Variants in KCNK3 observed in about 807,000 individuals in gnomAD.
The protein encoded by KCNK3 is potassium channel subfamily K member 3.
In KCNK3, 9 loss-of-function variants were observed where a neutral mutation model predicts 27.3. The observed-to-expected ratio is 0.33, with a 90% CI of 0.20 to 0.57. The LOEUF (loss-of-function observed/expected upper bound fraction) is 0.57. KCNK3 is among the 20% of genes least tolerant of loss of function. The pLI is 0.87. For missense variants in KCNK3, 391 were observed against 577.7 expected (o/e 0.68, Z 3.31); for synonymous variants, 278 against 273.8 (o/e 1.02, Z -0.15).
At chr2:26,725,242 C>A (rs1663395320) in intron 1 of KCNK3, among the ~76,000 whole-genome samples, 1 of 152,194 alleles carries the variant, frequency 6.6e-6, no homozygotes, top group African/African-American at 2.4e-5. Flanking sequence ...GATCCCACGA[C>A]CACTGCTTCC....
intron 1 of KCNK3, among the ~76,000 whole-genome samples, chr2:26,710,436 T>C (rs1281152320): frequency 6.6e-6 from 1 of 151,532 alleles, no homozygotes; most frequent in Non-Finnish European, 1.5e-5. Flanking sequence ...AAATAGGGAG[T>C]GGTAGCCAGC....
chr2:26,698,016 G>T (rs1369973144), intron 1 of KCNK3, among the ~76,000 whole-genome samples: 1 of 152,186 alleles, frequency 6.6e-6, no homozygotes, highest in Admixed American at 6.5e-5. Context: ...TGAGCGGCTT[G>T]TCCACACTCA....
chr2:26,719,873 T>C (rs1663295935), intron 1 of KCNK3, among the ~76,000 whole-genome samples: 1 of 152,198 alleles, frequency 6.6e-6, no homozygotes, highest in Non-Finnish European at 1.5e-5. Flanking sequence ...AAAGATGACA[T>C]GAGGGCCCTG....
Position 26,728,235 on chromosome 2 carries a change from C to A in KCNK3, c.852C>A (p.Thr284=). ...GTGGCAGCGCGCACACTACGGACAC[C>A]GCCTCATCCACGGCGGCAGCGGGCG... is the stretch of plus-strand genomic sequence containing the variant. ...GGGGSAHTTD[T]ASSTAAAGGG... is the part of the protein sequence containing the mutation. Residue 284 remains threonine, a synonymous_variant, in exon 2 of 2, where the codon ACC becomes ACA. Coordinates refer to ENST00000302909, the MANE Select transcript of KCNK3 (RefSeq NM_002246.3). 6.4e-7 allele frequency: 1 copy of A among 1,572,618 alleles called. No homozygotes were observed. Among genetic ancestry groups the A allele is most frequent in the Non-Finnish European group, 8.6e-7 (1 of 1,159,242 alleles).
At chr2:26,694,490 G>A (rs1179898060) in intron 1 of KCNK3, among the ~76,000 whole-genome samples, 1 of 152,152 alleles carries the variant, frequency 6.6e-6, no homozygotes, top group Non-Finnish European at 1.5e-5. Flanking sequence ...ATCCACTGCA[G>A]GACACTGTTC....
rs181340215 is a variant in KCNK3, at chr2:26,731,211, C to T, written c.*2643C>T. 1 of 152,426 alleles carries T rather than the reference C, an allele frequency of 6.6e-6. No homozygotes were observed. The highest frequency in any genetic ancestry group is 1.5e-5 in the Non-Finnish European group (1 of 68,110). The allele number at this position is 152,426 out of a possible 1,614,324, so 9.4% of individuals were successfully genotyped here. ...CACGGAGACCAGGCTCAGGCTCCAG[C>T]TGCCTCTGTCATCGTATGCCCTTGC... On this transcript the variant is annotated 3_prime_UTR_variant, in exon 2 of 2. Coordinates refer to ENST00000302909, the MANE Select transcript of KCNK3 (RefSeq NM_002246.3).
chr2:26,699,662 G>A (rs911774348), intron 1 of KCNK3, among the ~76,000 whole-genome samples: 7 of 152,194 alleles, frequency 4.6e-5, no homozygotes, highest in Non-Finnish European at 8.8e-5. Flanking sequence ...TCTAGGCCAA[G>A]CTCAGTGGAG....
chr2:26,724,589 C>T, intron 1 of KCNK3: 1 of 985,338 alleles, frequency 1.0e-6, no homozygotes, highest in Non-Finnish European at 1.2e-6. Context: ...TAAGCCTCAG[C>T]CTGCGGTAGG....
At chr2:26,727,355 A>G (rs1663438764) in intron 1 of KCNK3, among the ~76,000 whole-genome samples, 2 of 152,194 alleles carry the variant, frequency 1.3e-5, no homozygotes, top group African/African-American at 4.8e-5. Flanking sequence ...CTAGGCATAC[A>G]AAACAGTCCC....
At chr2:26,710,949 G>A (rs575050560) in intron 1 of KCNK3, among the ~76,000 whole-genome samples, 1 of 152,358 alleles carries the variant, frequency 6.6e-6, no homozygotes, top group South Asian at 2.1e-4. Flanking sequence ...CTGGCACGTG[G>A]CTGGCCGGCT....
chr2:26,718,067 C>T (rs1663263469), intron 1 of KCNK3, among the ~76,000 whole-genome samples: 1 of 151,914 alleles, frequency 6.6e-6, no homozygotes, highest in Non-Finnish European at 1.5e-5. Flanking sequence ...CCTCTCCTTT[C>T]TCGGCCCCTC....
At chr2:26,714,351 C>T (rs750640973) in intron 1 of KCNK3, among the ~76,000 whole-genome samples, 2 of 83,766 alleles carry the variant, frequency 2.4e-5, no homozygotes, top group South Asian at 4.5e-4. Flanking sequence ...TTCCAGGCTT[C>T]GGTGTCCCCG....
intron 1 of KCNK3, among the ~76,000 whole-genome samples, chr2:26,714,796 G>A (rs1404421598): frequency 4.1e-5 from 5 of 122,706 alleles, no homozygotes; most frequent in African/African-American, 1.0e-4. Flanking sequence ...TGAGGCAGGA[G>A]AATCACTTGA....
In KCNK3 at chr2:26,721,598, C is replaced by G. The variant is rs1319510971; in HGVS notation, c.284-6069C>G. Among the ~76,000 whole-genome samples, 1 of 152,178 alleles carries G rather than the reference C, an allele frequency of 6.6e-6. No homozygotes were observed. Among genetic ancestry groups the G allele is most frequent in the East Asian group, 1.9e-4 (1 of 5,184 alleles). On this transcript the variant is annotated intron_variant, in intron 1 of 1. Transcript: ENST00000302909. This position sits in a 1 kb window ranked among gnomAD's most constrained non-coding sequence, Gnocchi z 4.3. ...CCTCGTGGGCCCTCCCCTGGGTGCC[C>G]TCTGAGCCCAGCTGCCCTCTGCCAT...
chr2:26,724,874 G>T (rs1308948778), intron 1 of KCNK3, among the ~76,000 whole-genome samples: 6 of 152,170 alleles, frequency 3.9e-5, no homozygotes, highest in Non-Finnish European at 8.8e-5. Context: ...CCACGAGGCA[G>T]TGTGGGAAGC....
Position 26,693,419 on chromosome 2 carries a change from C to A in KCNK3, c.283+261C>A, listed in dbSNP as rs1429840260. On this transcript the variant is annotated intron_variant, in intron 1 of 1. Coordinates refer to ENST00000302909, the MANE Select transcript of KCNK3 (RefSeq NM_002246.3). The surrounding 1 kb of genome is among the most constrained non-coding windows in gnomAD (Gnocchi z 5.5). ...GGCCCTGCCATGTTGCATAGGCCCC[C>A]AGGGACTCCGAAGTGTGTGAGAGGG... 6.6e-6 allele frequency among the ~76,000 whole-genome samples: 1 copy of A among 152,170 alleles called. No homozygotes were observed. Among genetic ancestry groups the A allele is most frequent in the African/African-American group, 2.4e-5 (1 of 41,442 alleles).
At chr2:26,716,440 T>C (rs1663233002) in intron 1 of KCNK3, among the ~76,000 whole-genome samples, 1 of 151,926 alleles carries the variant, frequency 6.6e-6, no homozygotes, top group African/African-American at 2.4e-5. Flanking sequence ...AGTGGAGAAA[T>C]GTTTGAAGGA....
chr2:26,731,311 T>C lies in KCNK3; in HGVS notation c.*2743T>C, dbSNP rs1663536173. ...AAACATATCTAGCTGCTGGGTGCCG[T>C]GGCTCACACCTATAGTCACAGCACT... On this transcript the variant is annotated 3_prime_UTR_variant, in exon 2 of 2. Transcript: ENST00000302909. The C allele has an allele frequency of 6.6e-6, 1 of 152,330 alleles. No individual in the cohort carries two copies. Among genetic ancestry groups the C allele is most frequent in the South Asian group, 2.1e-4 (1 of 4,832 alleles). 9.4% of individuals were successfully genotyped at this position (152,330 alleles called of 1,614,324 possible).
rs769653970 is a variant in KCNK3 at position 26,728,183 on chromosome 2, A to G, written c.800A>G (p.Asn267Ser). Residue 267 changes from asparagine (N) to serine (S), a missense_variant, in exon 2 of 2, where the codon AAC becomes AGC. Transcript: ENST00000302909. The part of the protein sequence containing the change: ...DAEHRALLTR[N>S]GQAGGGGGGG... Reference sequence around the variant, plus strand: ...GAGCACCGCGCGCTGCTCACGCGCAACGGGCAGGCGGGCGGCGGCGGAGGG... The same window carrying G: ...GAGCACCGCGCGCTGCTCACGCGCAGCGGGCAGGCGGGCGGCGGCGGAGGG... The G allele has an allele frequency of 1.9e-6, 3 of 1,571,156 alleles. No homozygotes were observed. Among genetic ancestry groups the G allele is most frequent in the Non-Finnish European group, 1.7e-6 (2 of 1,158,242 alleles).
Sources: allele counts gnomAD v4.1 joint callset (sites outside exome capture counted in the v4.1 genomes callset), GRCh38; gene constraint gnomAD v4.1.1; non-coding constraint Gnocchi (gnomAD v3.1); transcripts MANE v1.5; gene names NCBI Gene and HGNC (gene_info 2026-07-23, HGNC 2026-07-21).